The following TTN variants were observed in gnomAD, a reference collection of about 807,000 sequenced individuals.
The protein encoded by TTN is titin.
In TTN, 1,525 loss-of-function variants were observed where a neutral mutation model predicts 3,223.0. The observed-to-expected ratio is 0.47, with a 90% CI of 0.45 to 0.49. The LOEUF is 0.49. TTN is among the 20% of genes least tolerant of loss of function. The pLI is 0.00. For synonymous variants in TTN, 14,094 were observed against 15,161.0 expected (o/e 0.93, Z 5.17); for missense variants, 40,786 against 43,424.0 (o/e 0.94, Z 5.40).
rs371178429 is a variant in TTN at position 178,642,238 on chromosome 2, G to A, written c.40557C>T (p.Ser13519=). Residue 13519 remains serine (S), a splice_region_variant and synonymous_variant, in exon 219 of 363, where the codon AGC becomes AGT. Coordinates refer to ENST00000589042, the MANE Select transcript of TTN (RefSeq NM_001267550.2). ...CAGAATGGTTGAAAAATACTATACC[G>A]CTTTTCAGAACAACTTCTTCCTTTG... is the stretch of plus-strand genomic sequence containing the variant. ...PEPKEEVVLK[S]VLRKRPEEEE... is the part of the protein sequence containing the mutation. The A allele has an allele frequency of 2.7e-5, 42 of 1,580,672 alleles. No individual in the cohort carries two copies. In the Middle Eastern group the frequency reaches 5.0e-4, roughly 19 times the overall value.
chr2:178,630,967 G>A (rs2059726995), intron 237 of TTN, 24 bp from the exon 238 acceptor site: 1 of 1,611,800 alleles, frequency 6.2e-7, no homozygotes, highest in African/African-American at 1.3e-5. Flanking sequence ...GGGCCAGCAT[G>A]GGTCATTAGC....
rs1429726481 is a variant in TTN at position 178,649,245 on chromosome 2, T to C, written c.40057+3A>G. 6.7e-7 allele frequency: 1 copy of C among 1,500,588 alleles called. No individual in the cohort carries two copies. Among genetic ancestry groups the C allele is most frequent in the Non-Finnish European group, 8.8e-7 (1 of 1,130,216 alleles). 93.0% of individuals were successfully genotyped at this position (1,500,588 alleles called of 1,614,324 possible). On this transcript the variant is annotated splice_donor_region_variant and intron_variant, in intron 213 of 362. Transcript: ENST00000589042. ...AAATCTATTTTTTCTTCATGGTAGGTACCTTTTTCTGGAAGAACTTCTGGT... is the reference window on the plus strand; with the variant it reads ...AAATCTATTTTTTCTTCATGGTAGGCACCTTTTTCTGGAAGAACTTCTGGT...
chr2:178,541,638 T>G, intron 349 of TTN, 54 bp from the exon 350 acceptor site: 17 of 1,469,542 alleles, frequency 1.2e-5, no homozygotes, highest in Non-Finnish European at 1.6e-5. Flanking sequence ...GTTAAAACAA[T>G]GACTCATATA....
chr2:178,538,393 G>T, intron 354 of TTN, 147 bp downstream of exon 354: 2 of 737,784 alleles, frequency 2.7e-6, no homozygotes, highest in Non-Finnish European at 4.2e-6. Flanking sequence ...TGTAGAACTT[G>T]TCATATTTCC....
rs1182976097 is a variant in TTN, at chr2:178,569,287, T to C, written c.76845A>G (p.Lys25615=). The change falls in exon 326 of 363, where the codon AAA becomes AAG. Residue 25615 remains lysine, a synonymous_variant. Transcript: ENST00000589042. ...PVNLKVTEIT[K]DSVSITWEPP... ...GTTCCCATGTAATTGATACTGAGTC[T>C]TTGGTGATTTCTGTGACTTTCAGGT... 5 of 1,610,492 alleles carry C rather than the reference T, an allele frequency of 3.1e-6. No individual in the cohort carries two copies. The highest frequency in any genetic ancestry group is 1.1e-5 in the South Asian group (1 of 90,540).
At chr2:178,650,388 C>G (rs561143648) in intron 209 of TTN, 117 bp from the exon 210 acceptor site, 5 of 1,009,050 alleles carry the variant, frequency 5.0e-6, no homozygotes, top group Non-Finnish European at 5.7e-6. Flanking sequence ...TTGATACCTT[C>G]TCTTATTTTT....
At position 178,546,509 on chromosome 2, in the gene TTN, G is replaced by A; in HGVS notation, c.94829-7C>T. The A allele has an allele frequency of 6.2e-7, 1 of 1,608,592 alleles. No homozygotes were observed. The highest frequency in any genetic ancestry group is 8.5e-7 in the Non-Finnish European group (1 of 1,176,292). On this transcript the variant is annotated splice_polypyrimidine_tract_variant and splice_region_variant and intron_variant, in intron 341 of 362. Transcript: ENST00000589042. ...AGTTCGGCTTTGGGTGGAGCTGTCA[G>A]TAGGCAAAACAGATATGAATGAATA...
At chr2:178,706,080 A>G (rs2075815558) in intron 102 of TTN, among the ~76,000 whole-genome samples, 1 of 152,180 alleles carries the variant, frequency 6.6e-6, no homozygotes, top group Non-Finnish European at 1.5e-5. Flanking sequence ...TTCTTTAACA[A>G]TCTGAATCTT....
At position 178,698,697 on chromosome 2, in the gene TTN, C is replaced by T. The variant is rs528933358; in HGVS notation, c.30754+146G>A. ...GGAGTTGAGAGAGTGAGGACTGAGT[C>T]AAAGACGAGGGCGAAAGTGAGTGAA... On this transcript the variant is annotated intron_variant, in intron 112 of 362. Transcript: ENST00000589042. 236 of 742,816 alleles carry T rather than the reference C, an allele frequency of 3.2e-4. 1 individual carries two copies. The highest frequency in any genetic ancestry group is 2.3e-3 in the South Asian group (124 of 54,392). 46.0% of individuals were successfully genotyped at this position (742,816 alleles called of 1,614,324 possible).
In TTN at chr2:178,532,922, T is replaced by C. The variant is rs1575256217; in HGVS notation, c.103693A>G (p.Met34565Val). 6.2e-7 allele frequency: 1 copy of C among 1,613,834 alleles called. No individual in the cohort carries two copies. Among genetic ancestry groups the C allele is most frequent in the Admixed American group, 1.7e-5 (1 of 59,996 alleles). ...TTTTTATACCACTTCATGTCAGACA[T>C]GGGCACGAACTGCTTGATGCGTTGG... is the stretch of plus-strand genomic sequence containing the variant. ...EDQRIKQFVP[M>V]SDMKWYKKIR... Residue 34565 changes from methionine (M) to valine (V), a missense_variant, in exon 358 of 363, where the codon ATG becomes GTG. Transcript: ENST00000589042.
chr2:178,787,913 G>A (rs1006786369), intron 13 of TTN, among the ~76,000 whole-genome samples: 12 of 152,084 alleles, frequency 7.9e-5, no homozygotes, highest in African/African-American at 2.9e-4. Flanking sequence ...AGACAAATTG[G>A]ACTAGAATAC....
chr2:178,671,555 G>A (rs1159654823), intron 155 of TTN, among the ~76,000 whole-genome samples: 2 of 151,608 alleles, frequency 1.3e-5, no homozygotes, highest in Non-Finnish European at 3.0e-5. Context: ...AAAAGCTTTT[G>A]GTAAGTATTT....
At position 178,723,069 on chromosome 2, in the gene TTN, C is replaced by T; in HGVS notation, c.21938G>A (p.Cys7313Tyr). 6.2e-7 allele frequency: 1 copy of T among 1,613,570 alleles called. No individual in the cohort carries two copies. Reference protein sequence around the residue: ...EIENEAGRDVCGALVSTLEPP... With the variant: ...EIENEAGRDVYGALVSTLEPP... ...ACCTAATGTAGATACCAGAGCTCCA[C>T]AAACATCCCTTCCTGCCTCATTTTC... is the stretch of plus-strand genomic sequence containing the variant. Residue 7313 changes from cysteine to tyrosine, a missense_variant, in exon 75 of 363, where the codon TGT (cysteine) becomes TAT (tyrosine). Physicochemically the swap from Cys to Tyr is radical, Grantham distance 194. Coordinates refer to ENST00000589042, the MANE Select transcript of TTN (RefSeq NM_001267550.2).
At position 178,658,489 on chromosome 2, in the gene TTN, GT is replaced by G; in HGVS notation, c.37605del (p.Lys12535AsnfsTer412). On this transcript the variant is annotated frameshift_variant, in exon 184 of 363. Transcript: ENST00000589042. LOFTEE classifies it high-confidence loss of function. ...ATACCTTTTGCACGTGGGGCTTCCGGTTTTTTGGGCACAGCCACAGATGCTT... is the reference window on the plus strand; with the variant it reads ...ATACCTTTTGCACGTGGGGCTTCCGGTTTTTGGGCACAGCCACAGATGCTT... ...EKKASVAVPK[K>X]PEAPRAKVPE... 7.7e-7 allele frequency: 1 copy of G among 1,291,642 alleles called. No homozygotes were observed. Among genetic ancestry groups the G allele is most frequent in the Non-Finnish European group, 1.0e-6 (1 of 959,962 alleles). The allele number at this position is 1,291,642 out of a possible 1,614,324, so 80.0% of individuals were successfully genotyped here.
chr2:178,526,984 A>G lies in TTN; in HGVS notation c.*28T>C. 1 of 1,531,136 alleles carries G rather than the reference A, an allele frequency of 6.5e-7. No homozygotes were observed. Among genetic ancestry groups the G allele is most frequent in the Non-Finnish European group, 8.8e-7 (1 of 1,134,830 alleles). The allele number at this position is 1,531,136 out of a possible 1,614,324, so 94.8% of individuals were successfully genotyped here. On this transcript the variant is annotated 3_prime_UTR_variant, in exon 363 of 363. Transcript: ENST00000589042. ...AAACGTTTGCGAAAAGTTAAGAATG[A>G]GTGTAGAGTATAAGGGCACAGGCCC...
Position 178,612,334 on chromosome 2 carries a change from T to C in TTN, c.50191A>G (p.Ile16731Val). ...YVFRVAAENA[I>V]GQSDYTEIED... ...ATTTCGGTGTAGTCGCTTTGTCCTA[T>C]AGCATTTTCTGCAGCAACTCGGAAC... is the stretch of plus-strand genomic sequence containing the variant. The change falls in exon 266 of 363, where the codon ATA becomes GTA. Residue 16731 changes from isoleucine (I) to valine (V), a missense_variant. Ile to Val is a conservative substitution (Grantham distance 29). Transcript: ENST00000589042. The C allele has an allele frequency of 6.2e-7, 1 of 1,612,548 alleles. No homozygotes were observed. The highest frequency in any genetic ancestry group is 8.5e-7 in the Non-Finnish European group (1 of 1,179,158).
intron 43 of TTN, 92 bp downstream of exon 43, chr2:178,764,085 G>A (rs759160506): frequency 1.4e-5 from 21 of 1,554,442 alleles, no homozygotes; most frequent in Non-Finnish European, 1.9e-5. Context: ...ATGCATGAGA[G>A]ATGTTTGTGA....
Position 178,652,718 on chromosome 2 carries a change from T to G in TTN, c.38978A>C (p.Glu12993Ala). Residue 12993 changes from glutamate to alanine, a missense_variant, in exon 201 of 363, where the codon GAG becomes GCG. By Grantham distance (107) the Glu-to-Ala change is moderately radical. Coordinates refer to ENST00000589042, the MANE Select transcript of TTN (RefSeq NM_001267550.2). The stretch of plus-strand genomic sequence containing the variant: ...GGGCACTTTCTTTTCAGGAACAACC[T>G]CTTTGGGAGCCTCTGGTACTTAAAA... The part of the protein sequence containing the change: ...PPVKVPEAPK[E>A]VVPEKKVPSA... 1.2e-6 allele frequency: 2 copies of G among 1,613,180 alleles called. No individual in the cohort carries two copies. The highest frequency in any genetic ancestry group is 1.7e-6 in the Non-Finnish European group (2 of 1,179,484).
chr2:178,803,990 A>C (rs951847225), intron 2 of TTN, among the ~76,000 whole-genome samples: 1 of 152,214 alleles, frequency 6.6e-6, no homozygotes, highest in East Asian at 1.9e-4. Context: ...GTCATTTCAA[A>C]ACGATTGGAA....
Sources: allele counts gnomAD v4.1 joint callset (sites outside exome capture counted in the v4.1 genomes callset), GRCh38; gene constraint gnomAD v4.1.1; transcripts MANE v1.5; gene names NCBI Gene and HGNC (gene_info 2026-07-23, HGNC 2026-07-21).